The following NAV3 variants were observed in gnomAD, a reference collection of about 807,000 sequenced individuals.
The protein encoded by NAV3 is neuron navigator 3.
In NAV3, 87 loss-of-function variants were observed where a neutral mutation model predicts 244.7. The observed-to-expected ratio is 0.36, with a 90% CI of 0.30 to 0.42. NAV3 has a LOEUF of 0.42. Among genes scored for constraint, NAV3 ranks in the 20% least tolerant of loss-of-function variants. The pLI, the probability that NAV3 is intolerant of heterozygous loss-of-function variation, is 1.00. For synonymous variants in NAV3, 1,126 were observed against 1,042.2 expected (o/e 1.08, Z -1.55); for missense variants, 2,663 against 2,893.3 (o/e 0.92, Z 1.83).
At chr12:77,858,331 T>C (rs1380185767) in intron 1 of NAV3, among the ~76,000 whole-genome samples, 1 of 152,020 alleles carries the variant, frequency 6.6e-6, no homozygotes, top group African/African-American at 2.4e-5. Flanking sequence ...TCCATGTGGA[T>C]AAGGAATTTG....
chr12:77,933,167 C>T (rs759827547), intron 1 of NAV3, among the ~76,000 whole-genome samples: 25 of 152,060 alleles, frequency 1.6e-4, no homozygotes, highest in African/African-American at 2.9e-4. Context: ...TTTACTAACA[C>T]GTTAAATTAC....
At chr12:77,827,236 C>CAAAAAA (rs10615824), upstream of NAV3, among the ~76,000 whole-genome samples, 1 of 68,546 alleles carries the variant, frequency 1.5e-5, no homozygotes, top group African/African-American at 4.7e-5. Flanking sequence ...ACTCTGTCTC[C>CAAAAAA]AAAAAAAAAA....
chr12:77,989,071 C>A (rs1871019020), intron 5 of NAV3, among the ~76,000 whole-genome samples: 1 of 152,080 alleles, frequency 6.6e-6, no homozygotes, highest in African/African-American at 2.4e-5. Flanking sequence ...AAAGTAGAGG[C>A]ATATTGAACC....
At chr12:77,820,310 A>T (rs1872685688) in intron 2 of NAV3, among the ~76,000 whole-genome samples, 1 of 152,152 alleles carries the variant, frequency 6.6e-6, no homozygotes, top group South Asian at 2.1e-4. Context: ...AAGAACAGGA[A>T]TTTATATCCC....
chr12:77,768,726 A>C (rs77186676), intron 2 of NAV3, among the ~76,000 whole-genome samples: 1,616 of 152,284 alleles, frequency 0.011, 27 homozygotes, highest in African/African-American at 0.036. Context: ...GGAGAGCTGA[A>C]GCTATGCCTG....
intron 39 of NAV3, among the ~76,000 whole-genome samples, chr12:78,208,831 A>T (rs1960601888): frequency 6.6e-6 from 1 of 152,160 alleles, no homozygotes; most frequent in Non-Finnish European, 1.5e-5. Flanking sequence ...GGTGCTCAAA[A>T]CTCAGTTTTA....
chr12:78,040,229 T>C (rs554223168), intron 9 of NAV3, among the ~76,000 whole-genome samples: 1 of 152,230 alleles, frequency 6.6e-6, no homozygotes, highest in Non-Finnish European at 1.5e-5. Flanking sequence ...TTTTCTTTGG[T>C]TATTATCTTT....
chr12:77,993,381 A>G (rs1476761593), intron 5 of NAV3, among the ~76,000 whole-genome samples: 1 of 152,198 alleles, frequency 6.6e-6, no homozygotes. Flanking sequence ...TTTAATTTTC[A>G]AAATGCTATT....
chr12:77,794,012 C>G (rs1871297119), intron 2 of NAV3, among the ~76,000 whole-genome samples: 1 of 152,126 alleles, frequency 6.6e-6, no homozygotes. Flanking sequence ...TAATGATCAC[C>G]TTTCCAACTG....
At chr12:77,817,594 C>A (rs1872571573) in intron 2 of NAV3, among the ~76,000 whole-genome samples, 1 of 152,024 alleles carries the variant, frequency 6.6e-6, no homozygotes, top group Non-Finnish European at 1.5e-5. Context: ...GTTTCTCTAG[C>A]AAAGCATTTT....
At chr12:78,122,472 C>T (rs770063650) in intron 16 of NAV3, 44 bp downstream of exon 16, 1 of 1,521,222 alleles carries the variant, frequency 6.6e-7, no homozygotes. Context: ...CCCCTCTTCC[C>T]TGCACTATGC....
At chr12:77,808,064 T>C (rs535479614) in intron 2 of NAV3, among the ~76,000 whole-genome samples, 1 of 152,308 alleles carries the variant, frequency 6.6e-6, no homozygotes, top group South Asian at 2.1e-4. Context: ...TTATTCTAGT[T>C]AGCAATTCTT....
intron 5 of NAV3, among the ~76,000 whole-genome samples, chr12:77,971,418 G>A (rs1057044310): frequency 1.3e-5 from 2 of 151,976 alleles, no homozygotes; most frequent in Non-Finnish European, 2.9e-5. Context: ...TACTTTTAGA[G>A]AATTTTTACA....
intron 8 of NAV3, among the ~76,000 whole-genome samples, chr12:78,020,532 G>C (rs1356115935): frequency 6.6e-6 from 1 of 152,046 alleles, no homozygotes; most frequent in Admixed American, 6.6e-5. Flanking sequence ...TTCTTGTATA[G>C]TTCTTTCTTT....
chr12:77,744,176 A>C (rs1345217220), intron 2 of NAV3, among the ~76,000 whole-genome samples: 3 of 151,948 alleles, frequency 2.0e-5, no homozygotes, highest in Admixed American at 6.6e-5. Flanking sequence ...AGTTACTATA[A>C]AGCTACAGTT....
chr12:77,654,620 A>G (rs1872995046), intron 2 of NAV3, among the ~76,000 whole-genome samples: 1 of 152,152 alleles, frequency 6.6e-6, no homozygotes, highest in Non-Finnish European at 1.5e-5. Flanking sequence ...CCCAGCACGC[A>G]GCTGGAGATC....
chr12:77,725,446 T>G (rs10859278), intron 2 of NAV3, among the ~76,000 whole-genome samples: 96,675 of 151,632 alleles, frequency 0.64, 34,851 homozygotes, highest in East Asian at 0.88. Flanking sequence ...TGTGTACATT[T>G]TCATTTAACA....
At chr12:77,701,987 A>G (rs2137206802) in intron 2 of NAV3, among the ~76,000 whole-genome samples, 1 of 152,032 alleles carries the variant, frequency 6.6e-6, no homozygotes, top group African/African-American at 2.4e-5. Context: ...TCAGTTGTCA[A>G]ATTGGTTCAT....
chr12:77,979,738 C>T (rs1226440467), intron 5 of NAV3, among the ~76,000 whole-genome samples: 5 of 142,332 alleles, frequency 3.5e-5, no homozygotes, highest in Non-Finnish European at 7.6e-5. Flanking sequence ...CCTTCTCTTT[C>T]TGCTGTGTGG....
Sources: gnomAD v4.1 joint callset for allele counts (sites outside exome capture counted in the v4.1 genomes callset) on GRCh38, gnomAD v4.1.1 for gene constraint, MANE v1.5 for transcripts, NCBI Gene and HGNC (gene_info 2026-07-23, HGNC 2026-07-21) for gene names.